Variants in LMBR1 observed in about 807,000 individuals in gnomAD.
LMBR1 encodes limb region 1 protein homolog.
A neutral mutation model predicts 73.9 loss-of-function variants in LMBR1; 52 were observed. That is an observed-to-expected ratio of 0.70 (90% CI 0.56 to 0.89). LMBR1 has a LOEUF of 0.89. LMBR1 is among the 40% of genes least tolerant of loss of function. The pLI is 0.00. For synonymous variants in LMBR1, 215 were observed against 209.4 expected, an observed-to-expected ratio of 1.03 and a Z score of -0.23; for missense variants, 539 against 579.8, an observed-to-expected ratio of 0.93 and a Z score of 0.72.
chr7:156,773,646 T>C (rs897458044), intron 5 of LMBR1, among the ~76,000 whole-genome samples: 2 of 152,130 alleles, frequency 1.3e-5, no homozygotes, highest in Non-Finnish European at 2.9e-5. Flanking sequence ...TAGCTAGCCA[T>C]ATGCAGAAGA....
At chr7:156,687,423 C>T (rs1416275386) in intron 16 of LMBR1, among the ~76,000 whole-genome samples, 1 of 152,120 alleles carries the variant, frequency 6.6e-6, no homozygotes, top group Non-Finnish European at 1.5e-5. Flanking sequence ...TGGAAATAAG[C>T]ATAAAAATAC....
At chr7:156,699,886 T>A (rs913048002) in intron 15 of LMBR1, among the ~76,000 whole-genome samples, 16 of 152,120 alleles carry the variant, frequency 1.1e-4, no homozygotes, top group Admixed American at 8.5e-4. Context: ...GGCGATCATT[T>A]AAAAGTCAGG....
At chr7:156,749,398 A>G (rs888677001) in intron 9 of LMBR1, among the ~76,000 whole-genome samples, 2 of 152,166 alleles carry the variant, frequency 1.3e-5, no homozygotes, top group African/African-American at 4.8e-5. Flanking sequence ...CAACTGCTCT[A>G]AAAAAGCAAC....
intron 10 of LMBR1, chr7:156,733,742 T>A (rs1388950615): frequency 6.6e-6 from 1 of 152,316 alleles, no homozygotes; most frequent in Non-Finnish European, 1.5e-5. Flanking sequence ...TCAAAAAATT[T>A]CCAAATTAGT....
intron 1 of LMBR1, among the ~76,000 whole-genome samples, chr7:156,873,047 T>C (rs1799557719): frequency 6.6e-6 from 1 of 151,006 alleles, no homozygotes; most frequent in Non-Finnish European, 1.5e-5. Flanking sequence ...GTCTGTCCCT[T>C]CGTGGTCGCC....
At chr7:156,674,962 G>A (rs1803479507), downstream of LMBR1, among the ~76,000 whole-genome samples, 1 of 152,170 alleles carries the variant, frequency 6.6e-6, no homozygotes, top group Non-Finnish European at 1.5e-5. Context: ...CAGCAGGGGA[G>A]GGAAACAATA....
intron 1 of LMBR1, among the ~76,000 whole-genome samples, chr7:156,851,099 G>A (rs1252132566): frequency 2.0e-5 from 3 of 152,074 alleles, no homozygotes; most frequent in Admixed American, 6.5e-5. Flanking sequence ...AGCAGATGCC[G>A]GCAATATGCT....
At chr7:156,693,518 T>C (rs150725172) in intron 15 of LMBR1, among the ~76,000 whole-genome samples, 7 of 152,280 alleles carry the variant, frequency 4.6e-5, no homozygotes, top group Middle Eastern at 3.4e-3. Context: ...TGAACCATTA[T>C]ATGCCAACAA....
At chr7:156,809,687 A>G (rs966520851) in intron 4 of LMBR1, among the ~76,000 whole-genome samples, 1 of 152,196 alleles carries the variant, frequency 6.6e-6, no homozygotes, top group African/African-American at 2.4e-5. Flanking sequence ...GGCTGACTAC[A>G]CTGTTGCTAC....
chr7:156,674,497 G>A (rs1803349373), downstream of LMBR1, among the ~76,000 whole-genome samples: 1 of 152,168 alleles, frequency 6.6e-6, no homozygotes, highest in Non-Finnish European at 1.5e-5. Flanking sequence ...CTAAAAAGGA[G>A]CCGCTGGTGT....
intron 1 of LMBR1, among the ~76,000 whole-genome samples, chr7:156,875,063 G>A (rs1799952532): frequency 6.6e-6 from 1 of 152,116 alleles, no homozygotes; most frequent in Non-Finnish European, 1.5e-5. Flanking sequence ...TACAAGAAAT[G>A]AGGAAAGAAA....
intron 15 of LMBR1, among the ~76,000 whole-genome samples, chr7:156,718,128 G>A (rs961551064): frequency 6.6e-6 from 1 of 152,102 alleles, no homozygotes; most frequent in African/African-American, 2.4e-5. Context: ...GGCTAGGCAC[G>A]GTGGCTCACA....
chr7:156,817,492 CAGAG>C (rs72370655), intron 4 of LMBR1, among the ~76,000 whole-genome samples: 4,837 of 146,858 alleles, frequency 0.033, 120 homozygotes, highest in South Asian at 0.087. Flanking sequence ...TAAAAAGAGA[CAGAG>C]AGAGAGAGAG....
intron 5 of LMBR1, among the ~76,000 whole-genome samples, chr7:156,781,753 C>G (rs1827168572): frequency 6.6e-6 from 1 of 152,146 alleles, no homozygotes; most frequent in Admixed American, 6.5e-5. Context: ...ACCTTCTGCA[C>G]CAACCTACCC....
intron 1 of LMBR1, among the ~76,000 whole-genome samples, chr7:156,864,780 G>A (rs1180276700): frequency 3.9e-5 from 6 of 152,034 alleles, no homozygotes; most frequent in Non-Finnish European, 8.8e-5. Flanking sequence ...GGTGGATCAC[G>A]AGGTCAAGAG....
intron 4 of LMBR1, among the ~76,000 whole-genome samples, chr7:156,818,804 A>C (rs1834318200): frequency 6.6e-6 from 1 of 152,248 alleles, no homozygotes; most frequent in South Asian, 2.1e-4. Context: ...CAAGATATAG[A>C]AAATGTATAG....
chr7:156,812,024 T>C (rs779947140), intron 4 of LMBR1, among the ~76,000 whole-genome samples: 10 of 152,290 alleles, frequency 6.6e-5, no homozygotes, highest in Non-Finnish European at 1.3e-4. Flanking sequence ...TTTATGTTTT[T>C]AGGGGGATAC....
chr7:156,860,640 T>C (rs191135522), intron 1 of LMBR1, among the ~76,000 whole-genome samples: 24 of 152,344 alleles, frequency 1.6e-4, no homozygotes, highest in African/African-American at 5.8e-4. Flanking sequence ...ACAAGGCAAG[T>C]CCCTTCTGCC....
intron 15 of LMBR1, among the ~76,000 whole-genome samples, chr7:156,719,132 TC>T (rs1355039533): frequency 5.0e-4 from 29 of 57,962 alleles, no homozygotes; most frequent in African/African-American, 1.4e-3. Flanking sequence ...ATCCCCCCCC[TC>T]CCCCCACCCC....
Sources: allele counts gnomAD v4.1 joint callset (sites outside exome capture counted in the v4.1 genomes callset), GRCh38; gene constraint gnomAD v4.1.1; transcripts MANE v1.5; gene names NCBI Gene and HGNC (gene_info 2026-07-23, HGNC 2026-07-21).